ATRX: variants seen among roughly 807,000 people sequenced by gnomAD.
ATRX encodes chromatin remodeler ATRX.
A neutral mutation model predicts 172.6 loss-of-function variants in ATRX; 12 were observed. The observed-to-expected ratio is 0.07, with a 90% CI of 0.04 to 0.11. ATRX has a LOEUF of 0.11. Ranked by LOEUF, ATRX falls within the 10% of genes least tolerant of loss-of-function variation. ATRX has a pLI of 1.00. For synonymous variants in ATRX, 674 were observed against 594.7 expected, an observed-to-expected ratio of 1.13 and a Z score of -1.94; for missense variants, 1,368 against 1,767.4, an observed-to-expected ratio of 0.77 and a Z score of 4.05.
At position 77,684,978 on chromosome X, in the gene ATRX, T is replaced by A; in HGVS notation, c.623A>T (p.Asp208Val). 1 of 1,202,908 alleles carries A rather than the reference T, an allele frequency of 8.3e-7. No homozygotes were observed. Among genetic ancestry groups the A allele is most frequent in the Non-Finnish European group, 1.1e-6 (1 of 887,626 alleles). The change falls in exon 8 of 35, where the codon GAT (aspartate) becomes GTT (valine). Residue 208 changes from aspartate to valine, a missense_variant. This residue lies in a region of ATRX where 9 missense variants were observed against 69.7 expected (regional missense o/e 0.13). Coordinates refer to ENST00000373344, the MANE Select transcript of ATRX (RefSeq NM_000489.6). ...KNCFKYYMSD[D>V]ISRDSDGMDE... ...CATTCCATCTGAGTCACGGCTAATATCATCACTCATGTAATACTTAAAGCA... is the reference window on the plus strand; with the variant it reads ...CATTCCATCTGAGTCACGGCTAATAACATCACTCATGTAATACTTAAAGCA...
chrX:77,717,634 T>C (rs1359384833), intron 1 of ATRX, among the ~76,000 whole-genome samples: 2 of 108,358 alleles, frequency 1.8e-5, no homozygotes, highest in Admixed American at 1.0e-4. Context: ...TCTATTTCAC[T>C]AAGAATATAA....
intron 1 of ATRX, among the ~76,000 whole-genome samples, chrX:77,777,607 A>G (rs1196452893): frequency 9.0e-6 from 1 of 111,472 alleles, no homozygotes; most frequent in East Asian, 2.8e-4. Flanking sequence ...TAGCAAAACT[A>G]AATCTGGAAT....
chrX:77,695,724 C>T lies in ATRX; in HGVS notation c.370+853G>A, dbSNP rs45571932. On this transcript the variant is annotated intron_variant, in intron 5 of 34. Transcript: ENST00000373344. ...CACCTTTTGTAACTTCTAATTTATCCTAGTCAAGGAAAGTCCCATCCCTCC... is the reference window on the plus strand; with the variant it reads ...CACCTTTTGTAACTTCTAATTTATCTTAGTCAAGGAAAGTCCCATCCCTCC... Among the ~76,000 whole-genome samples the T allele has an allele frequency of 4.3e-3, 478 of 111,342 alleles. 2 individuals are homozygous for T. Among genetic ancestry groups the T allele is most frequent in the South Asian group, 0.011 (29 of 2,646 alleles).
chrX:77,701,294 C>T (rs1429624935), intron 2 of ATRX, among the ~76,000 whole-genome samples: 1 of 110,738 alleles, frequency 9.0e-6, no homozygotes, highest in Non-Finnish European at 1.9e-5. Flanking sequence ...GGCAGATCAC[C>T]TGAGGTCAGG....
At chrX:77,565,835 G>A (rs1436041285) in intron 28 of ATRX, among the ~76,000 whole-genome samples, 2 of 108,534 alleles carry the variant, frequency 1.8e-5, no homozygotes, top group Non-Finnish European at 3.8e-5. Context: ...CAGCTTGGGC[G>A]AGAGTGAGAC....
At chrX:77,745,524 G>A (rs1397855165) in intron 1 of ATRX, among the ~76,000 whole-genome samples, 1 of 111,468 alleles carries the variant, frequency 9.0e-6, no homozygotes, top group Non-Finnish European at 1.9e-5. Context: ...CTTATTTGTG[G>A]TATCTAAAAA....
At chrX:77,529,425 A>G (rs1382803598) in intron 30 of ATRX, among the ~76,000 whole-genome samples, 1 of 111,821 alleles carries the variant, frequency 8.9e-6, no homozygotes, top group Non-Finnish European at 1.9e-5. Flanking sequence ...GGTCACTTAC[A>G]CAAAAGAAAG....
At chrX:77,589,733 G>C in intron 27 of ATRX, 101 bp downstream of exon 27, 1 of 717,873 alleles carries the variant, frequency 1.4e-6, no homozygotes. Context: ...TGATAGAGTT[G>C]TGAGACTGGG....
At chrX:77,763,998 C>T (rs918412472) in intron 1 of ATRX, among the ~76,000 whole-genome samples, 1 of 110,026 alleles carries the variant, frequency 9.1e-6, no homozygotes, top group Non-Finnish European at 1.9e-5. Flanking sequence ...CCTGTAGTCC[C>T]AGCTACTGTG....
At chrX:77,586,067 G>T (rs782260869) in intron 27 of ATRX, among the ~76,000 whole-genome samples, 1 of 111,648 alleles carries the variant, frequency 9.0e-6, no homozygotes, top group African/African-American at 3.3e-5. Context: ...ATAAAAACTA[G>T]TAATTGCTAG....
intron 1 of ATRX, among the ~76,000 whole-genome samples, chrX:77,774,882 T>TTTTG (rs71880876): frequency 0.01 from 1,089 of 108,679 alleles, 13 homozygotes; most frequent in East Asian, 0.036. Flanking sequence ...AATTTAGTAC[T>TTTTG]TTTGTTTGTT....
chrX:77,574,126 T>C (rs1443585279), intron 28 of ATRX, 124 bp downstream of exon 28: 9 of 475,891 alleles, frequency 1.9e-5, no homozygotes, highest in East Asian at 3.8e-5. Context: ...GACACTGTTT[T>C]GCAACCTGAC....
intron 2 of ATRX, among the ~76,000 whole-genome samples, chrX:77,716,127 T>TAAA (rs2073376933): frequency 1.3e-5 from 1 of 79,522 alleles, no homozygotes; most frequent in African/African-American, 5.6e-5. Flanking sequence ...TTTTTTTTTT[T>TAAA]TTTTTTTTTT....
At chrX:77,775,099 G>T (rs1316270471) in intron 1 of ATRX, among the ~76,000 whole-genome samples, 4 of 110,968 alleles carry the variant, frequency 3.6e-5, no homozygotes, top group Non-Finnish European at 5.6e-5. Context: ...CTAGTTTCGA[G>T]AAATATGTAT....
At chrX:77,621,445 G>A (rs1435427011) in intron 19 of ATRX, among the ~76,000 whole-genome samples, 2 of 110,723 alleles carry the variant, frequency 1.8e-5, no homozygotes, top group Non-Finnish European at 3.8e-5. Flanking sequence ...GAGTAGCTGG[G>A]ATTACAGGTG....
chrX:77,552,742 T>C (rs1557057003), intron 30 of ATRX, among the ~76,000 whole-genome samples: 1 of 110,978 alleles, frequency 9.0e-6, no homozygotes, highest in Admixed American at 9.7e-5. Flanking sequence ...TCTGAGGTAT[T>C]AAATCAAATT....
chrX:77,753,218 T>G (rs1302134162), intron 1 of ATRX, among the ~76,000 whole-genome samples: 10 of 111,614 alleles, frequency 9.0e-5, no homozygotes, highest in Non-Finnish European at 1.9e-5. Flanking sequence ...TTCCAGGAAT[T>G]TATCCATTTC....
Position 77,683,238 on chromosome X carries a change from A to G in ATRX, c.2018T>C (p.Val673Ala), listed in dbSNP as rs2148609002. ...PLRRPTETNP[V>A]TSNSDEECNE... ...ACATTCTTCATCTGAATTAGATGTTACAGGGTTAGTTTCTGTCGGTCGCCT... is the reference window on the plus strand; with the variant it reads ...ACATTCTTCATCTGAATTAGATGTTGCAGGGTTAGTTTCTGTCGGTCGCCT... The change falls in exon 9 of 35, where the codon GTA (valine) becomes GCA (alanine). Residue 673 changes from valine (V) to alanine (A), a missense_variant. This residue lies in a region of ATRX where 843 missense variants were observed against 643.1 expected (regional missense o/e 1.31). Coordinates refer to ENST00000373344, the MANE Select transcript of ATRX (RefSeq NM_000489.6). The G allele has an allele frequency of 1.7e-6, 2 of 1,211,188 alleles. No individual in the cohort carries two copies. Among genetic ancestry groups the G allele is most frequent in the Non-Finnish European group, 2.2e-6 (2 of 895,162 alleles).
At position 77,505,534 on chromosome X, in the gene ATRX, T is replaced by C. The variant is rs1408091915; in HGVS notation, c.*2817A>G. The C allele has an allele frequency of 5.8e-6, 1 of 172,969 alleles. No individual in the cohort carries two copies. Among genetic ancestry groups the C allele is most frequent in the Non-Finnish European group, 1.1e-5 (1 of 90,833 alleles). The allele number at this position is 172,969 out of a possible 1,213,427, so 14.3% of individuals were successfully genotyped here. On this transcript the variant is annotated 3_prime_UTR_variant, in exon 35 of 35. Transcript: ENST00000373344. ...TAAATTCTTTTTGAGATGAGAGATCTCCCTTTACAGAATTTAGTATATAAC... is the reference window on the plus strand; with the variant it reads ...TAAATTCTTTTTGAGATGAGAGATCCCCCTTTACAGAATTTAGTATATAAC...
Sources: gnomAD v4.1 joint callset for allele counts (sites outside exome capture counted in the v4.1 genomes callset) on GRCh38, gnomAD v4.1.1 for gene constraint, gnomAD v4.1.1 regional missense constraint, MANE v1.5 for transcripts, NCBI Gene and HGNC (gene_info 2026-07-23, HGNC 2026-07-21) for gene names.